The following SYN3 variants were observed in gnomAD, a reference collection of about 807,000 sequenced individuals.
SYN3 encodes synapsin-3.
In SYN3, 35 loss-of-function variants were observed where a neutral mutation model predicts 65.8. The ratio of observed to expected loss-of-function variants is 0.53; its 90% CI spans 0.41 to 0.70. The LOEUF is 0.70. SYN3 is among the 30% of genes least tolerant of loss of function. The probability of loss-of-function intolerance (pLI) is 0.00; values close to 1 mark genes in which losing one functional copy is unlikely to be tolerated. For missense variants in SYN3, 680 were observed against 749.0 expected (o/e 0.91, Z 1.08); for synonymous variants, 270 against 292.9 (o/e 0.92, Z 0.80).
In SYN3 at chr22:32,965,089, G is replaced by A. The variant is rs557306533; in HGVS notation, c.369+15556C>T. Among the ~76,000 whole-genome samples the A allele has an allele frequency of 3.9e-5, 6 of 152,302 alleles. No individual in the cohort carries two copies. In the East Asian group the frequency reaches 7.7e-4, roughly 20 times the overall value. On this transcript the variant is annotated intron_variant, in intron 3 of 13. Transcript: ENST00000358763. The stretch of plus-strand genomic sequence containing the variant: ...AGCTCTGCCATCTCCTAGCTGTGTC[G>A]CCTCGGGCAGGACACTTAACCTCTC...
intron 6 of SYN3, among the ~76,000 whole-genome samples, chr22:32,725,632 A>G (rs1845597291): frequency 6.6e-6 from 1 of 152,032 alleles, no homozygotes; most frequent in Admixed American, 6.6e-5. Flanking sequence ...GGTCAGAGTG[A>G]CCTGAGGCAG....
intron 6 of SYN3, among the ~76,000 whole-genome samples, chr22:32,630,511 G>C (rs891326783): frequency 1.4e-4 from 21 of 152,172 alleles, no homozygotes; most frequent in African/African-American, 4.8e-4. Context: ...GCATAACCCT[G>C]TCTCACTTGC....
At chr22:32,833,131 G>T (rs1483817889) in intron 6 of SYN3, among the ~76,000 whole-genome samples, 1 of 152,174 alleles carries the variant, frequency 6.6e-6, no homozygotes, top group Non-Finnish European at 1.5e-5. Context: ...GATTCCAAGT[G>T]GGGAAGGTGA....
intron 6 of SYN3, among the ~76,000 whole-genome samples, chr22:32,688,261 C>T (rs1399756684): frequency 6.6e-6 from 1 of 152,172 alleles, no homozygotes; most frequent in Admixed American, 6.5e-5. Context: ...GTCTGTGGCT[C>T]ATGAGAACAT....
chr22:32,569,561 C>CTATATATA lies in SYN3; in HGVS notation c.774+27112_774+27113insTATATATA, dbSNP rs1458371419. On this transcript the variant is annotated intron_variant, in intron 7 of 13. Coordinates refer to ENST00000358763, the MANE Select transcript of SYN3 (RefSeq NM_003490.4). ...AATCTCTCTCTCTCTCTCTCTCTCT[C>CTATATATA]TCTCTCTCTCTATATATATATATAT... is the stretch of plus-strand genomic sequence containing the variant. 3.0e-3 allele frequency among the ~76,000 whole-genome samples: 157 copies of CTATATATA among 51,694 alleles called. 2 individuals are homozygous for CTATATATA. The highest frequency in any genetic ancestry group is 4.9e-3 in the Admixed American group (19 of 3,898). 33.9% of individuals were successfully genotyped at this position (51,694 alleles called of 152,430 possible).
chr22:32,682,296 C>T (rs1239990077), intron 6 of SYN3, among the ~76,000 whole-genome samples: 3 of 152,152 alleles, frequency 2.0e-5, no homozygotes, highest in South Asian at 2.1e-4. Flanking sequence ...AAATATCAAT[C>T]GTGTAGAGAC....
chr22:33,050,225 T>TA (rs2054140205), intron 1 of SYN3, among the ~76,000 whole-genome samples: 4 of 152,054 alleles, frequency 2.6e-5, no homozygotes, highest in African/African-American at 9.7e-5. Flanking sequence ...CTCACACCTG[T>TA]AACCCCAGCA....
At chr22:32,784,962 C>G (rs536885252) in intron 6 of SYN3, 2 of 152,286 alleles carry the variant, frequency 1.3e-5, no homozygotes, top group African/African-American at 4.8e-5. Flanking sequence ...GAGGAGCCTT[C>G]TCTCCCCTTC....
At chr22:32,902,807 T>C (rs912126835) in intron 4 of SYN3, among the ~76,000 whole-genome samples, 1 of 150,776 alleles carries the variant, frequency 6.6e-6, no homozygotes. Context: ...ATAGAGAAGA[T>C]CTGAATATGT....
At chr22:32,689,015 G>A (rs1387965990) in intron 6 of SYN3, among the ~76,000 whole-genome samples, 1 of 152,206 alleles carries the variant, frequency 6.6e-6, no homozygotes, top group African/African-American at 2.4e-5. Flanking sequence ...ATAATCATAT[G>A]TATCTTTGGG....
chr22:32,995,659 T>G (rs1371006370), intron 2 of SYN3, among the ~76,000 whole-genome samples: 1 of 151,108 alleles, frequency 6.6e-6, no homozygotes, highest in Non-Finnish European at 1.5e-5. Flanking sequence ...CAAAGCAGAC[T>G]GAAGCTGCTT....
intron 3 of SYN3, among the ~76,000 whole-genome samples, chr22:32,967,547 C>A (rs1052080735): frequency 1.2e-4 from 19 of 152,198 alleles, no homozygotes; most frequent in African/African-American, 4.3e-4. Flanking sequence ...CTGGGAGATT[C>A]CTTAGACAAT....
intron 2 of SYN3, among the ~76,000 whole-genome samples, chr22:32,994,624 T>C (rs921697492): frequency 6.6e-6 from 1 of 152,148 alleles, no homozygotes; most frequent in Non-Finnish European, 1.5e-5. Context: ...GAGAGTTGTG[T>C]GTCTCCACTC....
chr22:32,913,393 C>T (rs1476449409), intron 4 of SYN3, among the ~76,000 whole-genome samples: 2 of 151,960 alleles, frequency 1.3e-5, no homozygotes, highest in East Asian at 1.9e-4. Flanking sequence ...CTCCTGACCT[C>T]GTGATCCGCC....
chr22:32,898,420 G>A (rs1315672209), intron 4 of SYN3, among the ~76,000 whole-genome samples: 1 of 152,174 alleles, frequency 6.6e-6, no homozygotes, highest in Non-Finnish European at 1.5e-5. Flanking sequence ...TGTGCCCAGA[G>A]TTCACTCTCC....
At chr22:32,810,859 C>G (rs1291701983) in intron 6 of SYN3, among the ~76,000 whole-genome samples, 5 of 152,134 alleles carry the variant, frequency 3.3e-5, no homozygotes, top group African/African-American at 9.7e-5. Flanking sequence ...TTGACTTAGA[C>G]TTTATCATCA....
intron 1 of SYN3, among the ~76,000 whole-genome samples, chr22:33,024,193 C>T (rs2053603830): frequency 1.3e-5 from 2 of 152,206 alleles, no homozygotes; most frequent in African/African-American, 4.8e-5. Flanking sequence ...TGACCACCCA[C>T]CAGCACCCTC....
chr22:32,598,254 C>T (rs772257655), intron 6 of SYN3, among the ~76,000 whole-genome samples: 1 of 152,190 alleles, frequency 6.6e-6, no homozygotes, highest in Non-Finnish European at 1.5e-5. Context: ...CAGAAGGCCG[C>T]CTGTGCATCA....
At chr22:32,778,928 T>C (rs1380804721) in intron 6 of SYN3, among the ~76,000 whole-genome samples, 1 of 152,222 alleles carries the variant, frequency 6.6e-6, no homozygotes, top group Admixed American at 6.5e-5. Flanking sequence ...CCTTTATTAA[T>C]TTATTCCATA....
Sources: gnomAD v4.1 joint callset for allele counts (sites outside exome capture counted in the v4.1 genomes callset) on GRCh38, gnomAD v4.1.1 for gene constraint, MANE v1.5 for transcripts, NCBI Gene and HGNC (gene_info 2026-07-23, HGNC 2026-07-21) for gene names.